PLS1: variants seen among roughly 807,000 people sequenced by gnomAD.
PLS1 encodes plastin-1.
A neutral mutation model predicts 73.7 loss-of-function variants in PLS1; 32 were observed. The observed-to-expected ratio is 0.43, with a 90% CI of 0.33 to 0.58. The LOEUF (loss-of-function observed/expected upper bound fraction) is 0.58. Among genes scored for constraint, PLS1 ranks in the 20% least tolerant of loss-of-function variants. The pLI is 0.04. For missense variants in PLS1, 633 were observed against 740.5 expected (o/e 0.85, Z 1.68); for synonymous variants, 217 against 261.3 (o/e 0.83, Z 1.63).
intron 13 of PLS1, among the ~76,000 whole-genome samples, 160 bp downstream of exon 13, chr3:142,704,161 T>G (rs2038399762): frequency 6.6e-6 from 1 of 152,244 alleles, no homozygotes; most frequent in Admixed American, 6.5e-5. Context: ...GGTTTTTTTG[T>G]AAATTATATT....
intron 1 of PLS1, among the ~76,000 whole-genome samples, chr3:142,641,304 AAT>A (rs1399140544): frequency 6.8e-6 from 1 of 146,442 alleles, no homozygotes; most frequent in Non-Finnish European, 1.5e-5. Flanking sequence ...ATAGATAAAT[AAT>A]ATATATATTT....
chr3:142,646,288 T>C (rs2036951191), intron 1 of PLS1, among the ~76,000 whole-genome samples: 1 of 152,180 alleles, frequency 6.6e-6, no homozygotes. Context: ...GTATGAGGCA[T>C]GAGTGCTGTC....
In PLS1 at chr3:142,711,945, C is replaced by T; in HGVS notation, c.1828C>T (p.Pro610Ser). The T allele has an allele frequency of 6.2e-7, 1 of 1,613,192 alleles. No individual in the cohort carries two copies. Among genetic ancestry groups the T allele is most frequent in the Non-Finnish European group, 8.5e-7 (1 of 1,179,270 alleles). The change falls in exon 16 of 16, where the codon CCA (proline) becomes TCA (serine). Residue 610 changes from proline to serine, a missense_variant. Pro to Ser is a moderately conservative substitution (Grantham distance 74). Coordinates refer to ENST00000457734, the MANE Select transcript of PLS1 (RefSeq NM_001145319.2). ...ALPDDLVEVK[P>S]KMVMTVFACL... ...ACCTGATGACCTCGTAGAAGTGAAA[C>T]CAAAGATGGTTATGACGGTGTTTGC...
intron 1 of PLS1, among the ~76,000 whole-genome samples, chr3:142,608,740 AG>A (rs2036068765): frequency 6.6e-6 from 1 of 152,224 alleles, no homozygotes; most frequent in Non-Finnish European, 1.5e-5. Context: ...TCTGTGTTTA[AG>A]GCCCCACTGA....
chr3:142,643,924 G>A (rs1276364550), intron 1 of PLS1, among the ~76,000 whole-genome samples: 2 of 149,962 alleles, frequency 1.3e-5, no homozygotes, highest in Admixed American at 6.7e-5. Context: ...CCACCTGCTG[G>A]GTTCAAGCGA....
Position 142,703,911 on chromosome 3 carries a change from C to T in PLS1, c.1415C>T (p.Ala472Val). ...GCAGTGGAACTTGGGAAGAACAAGG[C>T]CAAATTCTCCTTGGTTGGCATTGCT... ...NYAVELGKNK[A>V]KFSLVGIAGQ... Residue 472 changes from alanine (A) to valine (V), a missense_variant, in exon 13 of 16, where the codon GCC (alanine) becomes GTC (valine). Physicochemically the swap from Ala to Val is moderately conservative, Grantham distance 64. Transcript: ENST00000457734. 6.2e-7 allele frequency: 1 copy of T among 1,611,902 alleles called. No individual in the cohort carries two copies. Among genetic ancestry groups the T allele is most frequent in the Non-Finnish European group, 8.5e-7 (1 of 1,178,044 alleles).
At chr3:142,621,078 C>T (rs984452771) in intron 1 of PLS1, among the ~76,000 whole-genome samples, 1 of 152,136 alleles carries the variant, frequency 6.6e-6, no homozygotes, top group African/African-American at 2.4e-5. Flanking sequence ...TGGCCCTGAT[C>T]AGTGGCTTGG....
intron 1 of PLS1, among the ~76,000 whole-genome samples, 157 bp downstream of exon 1, chr3:142,596,666 G>A (rs1372069173): frequency 1.3e-5 from 2 of 152,242 alleles, no homozygotes; most frequent in South Asian, 2.1e-4. Flanking sequence ...GGCGCCCGCC[G>A]TCCTCTGGGC....
chr3:142,602,281 C>T (rs755870049), intron 1 of PLS1, among the ~76,000 whole-genome samples: 7 of 151,960 alleles, frequency 4.6e-5, no homozygotes, highest in South Asian at 2.1e-4. Context: ...TCATCCAGGG[C>T]GTGTCTGTGG....
chr3:142,613,791 T>G (rs1369047277), intron 1 of PLS1, among the ~76,000 whole-genome samples: 1 of 152,210 alleles, frequency 6.6e-6, no homozygotes, highest in Non-Finnish European at 1.5e-5. Flanking sequence ...ACACTTTTAT[T>G]GCACTGTGAT....
chr3:142,604,330 T>C (rs1321520257), intron 1 of PLS1, among the ~76,000 whole-genome samples: 3 of 152,208 alleles, frequency 2.0e-5, no homozygotes, highest in Non-Finnish European at 2.9e-5. Context: ...CCAAAACCTC[T>C]CAAAGACTCC....
chr3:142,701,143 C>CT (rs2038323540), intron 12 of PLS1, among the ~76,000 whole-genome samples: 1 of 152,194 alleles, frequency 6.6e-6, no homozygotes, highest in Admixed American at 6.5e-5. Flanking sequence ...GTTTTTCTTG[C>CT]TTTCTTTGTG....
intron 6 of PLS1, 76 bp from the exon 7 acceptor site, chr3:142,683,926 ATTGT>A: frequency 9.9e-7 from 1 of 1,006,192 alleles, no homozygotes; most frequent in South Asian, 2.0e-5. Flanking sequence ...TTGGCAGTCC[ATTGT>A]TTCTTATAGA....
At chr3:142,627,290 A>C (rs7622648) in intron 1 of PLS1, among the ~76,000 whole-genome samples, 37,426 of 151,864 alleles carry the variant, frequency 0.25, 6,473 homozygotes, top group African/African-American at 0.5. Flanking sequence ...TTTTGTACTG[A>C]CATATGCCTG....
At chr3:142,643,798 T>C (rs2036890808) in intron 1 of PLS1, among the ~76,000 whole-genome samples, 1 of 152,028 alleles carries the variant, frequency 6.6e-6, no homozygotes, top group African/African-American at 2.4e-5. Flanking sequence ...CCTACAGTAG[T>C]TCTGCTCTTG....
chr3:142,677,619 G>A (rs1191002560), intron 5 of PLS1, among the ~76,000 whole-genome samples: 1 of 151,986 alleles, frequency 6.6e-6, no homozygotes, highest in East Asian at 1.9e-4. Flanking sequence ...ATTCCAGCCT[G>A]GGTGACAGAG....
chr3:142,659,660 CTTTTCTT>C (rs367696913), intron 1 of PLS1, among the ~76,000 whole-genome samples: 20 of 150,406 alleles, frequency 1.3e-4, no homozygotes, highest in Non-Finnish European at 2.2e-4. Flanking sequence ...TCCTCTTCCA[CTTTTCTT>C]TTTTCTTTTT....
intron 10 of PLS1, among the ~76,000 whole-genome samples, chr3:142,692,952 T>A (rs1348996003): frequency 1.3e-5 from 2 of 152,108 alleles, no homozygotes; most frequent in Non-Finnish European, 2.9e-5. Flanking sequence ...TTGGGGATAG[T>A]TCATAGATTT....
At chr3:142,614,357 AGG>A (rs760337323) in intron 1 of PLS1, among the ~76,000 whole-genome samples, 22 of 151,402 alleles carry the variant, frequency 1.5e-4, no homozygotes, top group Non-Finnish European at 2.7e-4. Flanking sequence ...GTGGTCATTC[AGG>A]TATGCTCTGT....
Sources: allele counts gnomAD v4.1 joint callset (sites outside exome capture counted in the v4.1 genomes callset), GRCh38; gene constraint gnomAD v4.1.1; transcripts MANE v1.5; gene names NCBI Gene and HGNC (gene_info 2026-07-23, HGNC 2026-07-21).